CWC22: variants seen among roughly 807,000 people sequenced by gnomAD.
CWC22 encodes pre-mRNA-splicing factor CWC22 homolog.
CWC22 carries 53 observed loss-of-function variants against 117.2 expected under a neutral mutation model. That is an observed-to-expected ratio of 0.45 (90% CI 0.36 to 0.57). The LOEUF is 0.57. CWC22 is among the 20% of genes least tolerant of loss of function. The pLI is 0.00. For missense variants in CWC22, 980 were observed against 1,068.8 expected (o/e 0.92, Z 1.16); for synonymous variants, 360 against 355.6 (o/e 1.01, Z -0.14).
rs1047215004 is a variant in CWC22 at position 179,955,089 on chromosome 2, G to A, written c.1459-55C>T. On this transcript the variant is annotated intron_variant, in intron 14 of 19. Coordinates refer to ENST00000410053, the MANE Select transcript of CWC22 (RefSeq NM_020943.3). ...TCAAAACACAAAGAGACTAAATATT[G>A]TATAATTTACCAGTATGATAGTGAC... 2.4e-5 allele frequency: 30 copies of A among 1,258,838 alleles called. 1 individual carries two copies. Among genetic ancestry groups the A allele is most frequent in the Non-Finnish European group, 3.1e-5 (27 of 881,226 alleles). 78.0% of individuals were successfully genotyped at this position (1,258,838 alleles called of 1,614,324 possible). A position where few individuals can be genotyped will look rare whatever the true frequency, so the allele number is the denominator to read the frequency against.
In CWC22 at chr2:179,945,140, T is replaced by C; in HGVS notation, c.2716A>G (p.Lys906Glu). ...GTCATTTTGTAGAATTATTTTTGTT[T>C]TGCTGGAGACTTTTCTCTTCGCCGG... is the stretch of plus-strand genomic sequence containing the variant. ...QDRRREKSPA[K>E]QK Residue 906 changes from lysine (K) to glutamate (E), a missense_variant, in exon 20 of 20, where the codon AAA becomes GAA. Physicochemically the swap from Lys to Glu is moderately conservative, Grantham distance 56. Around this residue, in one of 3 missense-constraint regions of CWC22, gnomAD observed 306 missense variants for 296.8 expected, o/e 1.03. Coordinates refer to ENST00000410053, the MANE Select transcript of CWC22 (RefSeq NM_020943.3). 2.5e-6 allele frequency: 4 copies of C among 1,589,330 alleles called. No individual in the cohort carries two copies. In the East Asian group the frequency reaches 8.9e-5, roughly 36 times the overall value.
intron 8 of CWC22, among the ~76,000 whole-genome samples, chr2:179,972,931 C>A (rs1687068270): frequency 6.6e-6 from 1 of 151,942 alleles, no homozygotes. Context: ...ATGGTGTGAA[C>A]CCAGGAGGCA....
At chr2:179,977,475 C>CAAAT (rs1257969634) in intron 6 of CWC22, among the ~76,000 whole-genome samples, 1 of 152,082 alleles carries the variant, frequency 6.6e-6, no homozygotes, top group African/African-American at 2.4e-5. Context: ...CACAGAAAGA[C>CAAAT]AAATAATGCA....
intron 16 of CWC22, among the ~76,000 whole-genome samples, chr2:179,953,398 TTCTC>T (rs910229526): frequency 6.6e-6 from 1 of 152,120 alleles, no homozygotes; most frequent in African/African-American, 2.4e-5. Context: ...TTTCTCATCC[TTCTC>T]TCTTTCTTTC....
chr2:179,971,587 T>A (rs1431907060), intron 8 of CWC22, among the ~76,000 whole-genome samples: 1 of 152,168 alleles, frequency 6.6e-6, no homozygotes. Context: ...TCACAAAATA[T>A]CTTAACAACT....
At chr2:179,983,698 G>A (rs1359003012) in intron 4 of CWC22, among the ~76,000 whole-genome samples, 2 of 152,048 alleles carry the variant, frequency 1.3e-5, no homozygotes, top group Admixed American at 6.6e-5. Context: ...TGACTCCTAG[G>A]GAGGATAGAC....
chr2:179,958,568 T>G (rs909405733), intron 14 of CWC22, among the ~76,000 whole-genome samples: 1 of 151,888 alleles, frequency 6.6e-6, no homozygotes, highest in Non-Finnish European at 1.5e-5. Flanking sequence ...CAAATTTTTG[T>G]TTTTTTAGCT....
At chr2:179,954,475 A>G (rs1686532784) in intron 15 of CWC22, 118 bp from the exon 16 acceptor site, 1 of 618,370 alleles carries the variant, frequency 1.6e-6, no homozygotes, top group Non-Finnish European at 2.7e-6. Flanking sequence ...TTCAAAGAGC[A>G]TATATCACTA....
rs543162612 is a variant in CWC22, at chr2:179,979,432, A to G, written c.453-1114T>C. Among the ~76,000 whole-genome samples the G allele has an allele frequency of 1.6e-4, 25 of 152,298 alleles. No individual in the cohort carries two copies. The East Asian group carries it at 4.3e-3, about 26-fold the overall frequency. On this transcript the variant is annotated intron_variant, in intron 5 of 19. Coordinates refer to ENST00000410053, the MANE Select transcript of CWC22 (RefSeq NM_020943.3). Reference sequence around the variant, plus strand: ...AAAAAACAAAAGCTAAACTTTAGAGATGAGTAAAAATAAAGATTCAATTTT... The same window carrying G: ...AAAAAACAAAAGCTAAACTTTAGAGGTGAGTAAAAATAAAGATTCAATTTT...
At chr2:179,984,545 T>C (rs888351352) in intron 4 of CWC22, among the ~76,000 whole-genome samples, 1 of 151,992 alleles carries the variant, frequency 6.6e-6, no homozygotes, top group African/African-American at 2.4e-5. Context: ...TCAAAATTCC[T>C]GTGGGGGGTA....
rs1424945399 is a variant in CWC22, at chr2:179,973,746, T to C, written c.638A>G (p.His213Arg). ...QAQSASPIFT[H>R]VYAALVAIIN... is the part of the protein sequence containing the mutation. ...AATTGCCACTAATGCTGCATAAACA[T>C]GGGTGAAGATTGGAGAAGCACTCTG... is the stretch of plus-strand genomic sequence containing the variant. The change falls in exon 7 of 20, where the codon CAT becomes CGT. Residue 213 changes from histidine (H) to arginine (R), a missense_variant. By Grantham distance (29) the His-to-Arg change is conservative (BLOSUM62 0). Transcript: ENST00000410053. The C allele has an allele frequency of 1.9e-6, 3 of 1,611,548 alleles. No individual in the cohort carries two copies. Among genetic ancestry groups the C allele is most frequent in the African/African-American group, 1.3e-5 (1 of 74,988 alleles).
intron 4 of CWC22, among the ~76,000 whole-genome samples, chr2:179,984,948 A>C (rs1170519008): frequency 6.6e-6 from 1 of 152,030 alleles, no homozygotes; most frequent in Non-Finnish European, 1.5e-5. Flanking sequence ...TCAAGAAACT[A>C]ATATTTTAAA....
intron 8 of CWC22, 64 bp from the exon 9 acceptor site, chr2:179,971,140 T>C: frequency 8.7e-7 from 1 of 1,146,210 alleles, no homozygotes; most frequent in Non-Finnish European, 1.2e-6. Context: ...ATTATTTTTA[T>C]AATTTCTAAA....
intron 1 of CWC22, among the ~76,000 whole-genome samples, chr2:180,002,812 TCA>T (rs1167940204): frequency 6.6e-6 from 1 of 152,138 alleles, no homozygotes; most frequent in Non-Finnish European, 1.5e-5. Context: ...GTGTAAAGAC[TCA>T]GAGACAGAGA....
At position 179,945,696 on chromosome 2, in the gene CWC22, C is replaced by T; in HGVS notation, c.2160G>A (p.Lys720=). The change falls in exon 20 of 20, where the codon AAG becomes AAA. Residue 720 remains lysine (K), a synonymous_variant. Transcript: ENST00000410053. The part of the protein sequence containing the change: ...SSASANDVRK[K]GHGKTRSKEV... The stretch of plus-strand genomic sequence containing the variant: ...CTTTACTTCTGGTCTTCCCATGTCC[C>T]TTCTTTCTTACATCATTAGCTGCGT... The T allele has an allele frequency of 6.3e-7, 1 of 1,591,668 alleles. No homozygotes were observed. Among genetic ancestry groups the T allele is most frequent in the Non-Finnish European group, 8.5e-7 (1 of 1,172,876 alleles).
intron 7 of CWC22, 138 bp downstream of exon 7, chr2:179,973,496 G>T (rs1687082010): frequency 1.5e-6 from 1 of 672,922 alleles, no homozygotes; most frequent in Non-Finnish European, 2.5e-6. Context: ...ACAGATCAAA[G>T]AAGTTCTCAT....
At chr2:179,949,759 A>C (rs1322440943) in intron 19 of CWC22, among the ~76,000 whole-genome samples, 3 of 152,210 alleles carry the variant, frequency 2.0e-5, no homozygotes, top group Non-Finnish European at 4.4e-5. Context: ...GAAAATCTAA[A>C]GTCTGTTGAG....
At chr2:179,946,446 G>T (rs1295445892) in intron 19 of CWC22, among the ~76,000 whole-genome samples, 1 of 75,902 alleles carries the variant, frequency 1.3e-5, no homozygotes, top group Non-Finnish European at 2.2e-5. Context: ...GTGGGACTCT[G>T]TCCAAAAAAA....
chr2:179,966,048 A>T, intron 11 of CWC22, 66 bp from the exon 12 acceptor site: 1 of 1,254,234 alleles, frequency 8.0e-7, no homozygotes, highest in Non-Finnish European at 1.1e-6. Context: ...TCATTCTAAG[A>T]AGATAAATTC....
Sources: allele counts gnomAD v4.1 joint callset (sites outside exome capture counted in the v4.1 genomes callset), GRCh38; gene constraint gnomAD v4.1.1; regional missense constraint gnomAD v4.1.1; transcripts MANE v1.5; gene names NCBI Gene and HGNC (gene_info 2026-07-23, HGNC 2026-07-21).